CHRNA7: variants seen among roughly 807,000 people sequenced by gnomAD.
CHRNA7 encodes the protein neuronal acetylcholine receptor subunit alpha-7.
A neutral mutation model predicts 48.0 loss-of-function variants in CHRNA7; 17 were observed. That is an observed-to-expected ratio of 0.35 (90% CI 0.24 to 0.53). The LOEUF is 0.53. CHRNA7 is among the 20% of genes least tolerant of loss of function. CHRNA7 has a pLI of 0.92. For synonymous variants in CHRNA7, 75 were observed against 242.3 expected (o/e 0.31, Z 6.41); for missense variants, 155 against 577.7 (o/e 0.27, Z 7.50).
chr15:32,041,308 C>A (rs1042777530), intron 2 of CHRNA7, among the ~76,000 whole-genome samples: 1 of 152,206 alleles, frequency 6.6e-6, no homozygotes, highest in Non-Finnish European at 1.5e-5. Context: ...TTGTGGAAGA[C>A]AATTTTTCCA....
intron 4 of CHRNA7, among the ~76,000 whole-genome samples, chr15:32,121,530 G>A (rs1033312991): frequency 6.6e-6 from 1 of 152,154 alleles, no homozygotes; most frequent in East Asian, 1.9e-4. Flanking sequence ...TGTAAGACAA[G>A]GGCACAAAGT....
intron 4 of CHRNA7, among the ~76,000 whole-genome samples, chr15:32,138,393 G>T (rs1189548426): frequency 2.0e-5 from 3 of 152,124 alleles, no homozygotes; most frequent in Non-Finnish European, 2.9e-5. Flanking sequence ...AAAGCAGTTT[G>T]AGGTTCATAG....
intron 2 of CHRNA7, among the ~76,000 whole-genome samples, chr15:32,046,160 TTA>T (rs1194093409): frequency 2.0e-5 from 3 of 151,996 alleles, no homozygotes; most frequent in African/African-American, 7.3e-5. Context: ...GCAGCATGAT[TTA>T]TAGTCCTTTG....
chr15:32,118,989 CA>C (rs66493443), intron 4 of CHRNA7, among the ~76,000 whole-genome samples: 101,400 of 132,948 alleles, frequency 0.76, 38,412 homozygotes, highest in Non-Finnish European at 0.87. Flanking sequence ...CTTCGAAATG[CA>C]AAAAAAAAAA....
chr15:32,070,657 G>GAGGTTT (rs1297353675), intron 2 of CHRNA7, among the ~76,000 whole-genome samples: 1 of 125,334 alleles, frequency 8.0e-6, no homozygotes, highest in Admixed American at 7.9e-5. Context: ...GTGAACATGT[G>GAGGTTT]AGGTTTAGTT....
intron 3 of CHRNA7, among the ~76,000 whole-genome samples, chr15:32,107,454 TATAA>T (rs1436392667): frequency 6.7e-6 from 1 of 149,562 alleles, no homozygotes; most frequent in African/African-American, 2.4e-5. Flanking sequence ...TTAATATATT[TATAA>T]ATAAAATATA....
chr15:32,053,746 A>T (rs1913456), intron 2 of CHRNA7, among the ~76,000 whole-genome samples: 43,402 of 152,102 alleles, frequency 0.29, 7,962 homozygotes, highest in East Asian at 0.6. Context: ...GAAACTAATA[A>T]GAAATTAAGC....
intron 4 of CHRNA7, among the ~76,000 whole-genome samples, chr15:32,114,444 C>T (rs986819331): frequency 6.6e-6 from 1 of 152,144 alleles, no homozygotes; most frequent in Non-Finnish European, 1.5e-5. Context: ...CCCCATCGCT[C>T]ACACATCTGT....
chr15:32,043,460 G>T (rs1346585690), intron 2 of CHRNA7, among the ~76,000 whole-genome samples: 1 of 151,524 alleles, frequency 6.6e-6, no homozygotes, highest in Non-Finnish European at 1.5e-5. Context: ...CACTTTTCTG[G>T]ATTAATTGCT....
chr15:32,107,151 C>A (rs2050683702), intron 3 of CHRNA7, among the ~76,000 whole-genome samples: 1 of 152,178 alleles, frequency 6.6e-6, no homozygotes, highest in African/African-American at 2.4e-5. Context: ...GATGACTTTT[C>A]TAGCACCAAC....
intron 3 of CHRNA7, among the ~76,000 whole-genome samples, chr15:32,109,771 A>G (rs1038765538): frequency 2.6e-5 from 4 of 152,224 alleles, no homozygotes; most frequent in African/African-American, 7.2e-5. Flanking sequence ...TGAGTCTGCT[A>G]TGGTGAGTCT....
chr15:32,141,842 A>G lies in CHRNA7; in HGVS notation c.351-12065A>G, dbSNP rs373822111. The stretch of plus-strand genomic sequence containing the variant: ...TTGGCTGAGACAATGGGGTTTTCTA[A>G]ATATACAATCATGTCGTCTGCAAAC... On this transcript the variant is annotated intron_variant, in intron 4 of 9. Coordinates refer to ENST00000306901, the MANE Select transcript of CHRNA7 (RefSeq NM_000746.6). 1.1e-3 allele frequency among the ~76,000 whole-genome samples: 166 copies of G among 148,662 alleles called. 3 individuals are homozygous for G. In the South Asian group the frequency reaches 0.035, roughly 31 times the overall value.
rs1052460287 is a variant in CHRNA7 at position 32,030,582 on chromosome 15, T to C, written c.-13T>C. 3 of 1,522,630 alleles carry C rather than the reference T, an allele frequency of 2.0e-6. No individual in the cohort carries two copies. The highest frequency in any genetic ancestry group is 2.0e-5 in the Admixed American group (1 of 50,654). The allele number at this position is 1,522,630 out of a possible 1,614,324, so 94.3% of individuals were successfully genotyped here. On this transcript the variant is annotated 5_prime_UTR_variant, in exon 1 of 10. Transcript: ENST00000306901. ...GTGGAGCGCGCCGGCTCGCTGCAGCTCCGGGACTCAACATGCGCTGCTCGC... is the reference window on the plus strand; with the variant it reads ...GTGGAGCGCGCCGGCTCGCTGCAGCCCCGGGACTCAACATGCGCTGCTCGC...
chr15:32,113,191 C>T (rs559605583), intron 4 of CHRNA7, among the ~76,000 whole-genome samples: 57 of 152,292 alleles, frequency 3.7e-4, no homozygotes, highest in South Asian at 1.5e-3. Context: ...GGACTGGCTT[C>T]TTCTGAGCCT....
intron 2 of CHRNA7, among the ~76,000 whole-genome samples, chr15:32,093,521 G>A (rs2050416445): frequency 6.6e-6 from 1 of 152,156 alleles, no homozygotes. Context: ...TGCACACACA[G>A]GCAGCTGAAC....
chr15:32,099,936 G>A (rs1255979195), intron 2 of CHRNA7: 2 of 152,012 alleles, frequency 1.3e-5, no homozygotes, highest in African/African-American at 4.8e-5. Context: ...CATTGCCTCT[G>A]GCCTGGGGTC....
chr15:32,124,170 C>T (rs193116853), intron 4 of CHRNA7, among the ~76,000 whole-genome samples: 345 of 151,964 alleles, frequency 2.3e-3, no homozygotes, highest in Non-Finnish European at 3.9e-3. Flanking sequence ...ATCAAATAAT[C>T]CAAAAGGTTG....
At chr15:32,064,558 G>T (rs2049934798) in intron 2 of CHRNA7, among the ~76,000 whole-genome samples, 1 of 151,946 alleles carries the variant, frequency 6.6e-6, no homozygotes. Flanking sequence ...TATGGTAGTG[G>T]TGGTGATGTT....
intron 3 of CHRNA7, among the ~76,000 whole-genome samples, chr15:32,108,590 G>A (rs2050710470): frequency 6.6e-6 from 1 of 152,100 alleles, no homozygotes; most frequent in African/African-American, 2.4e-5. Flanking sequence ...GTTGCTGGTG[G>A]GGCCCCCGGG....
Sources: gnomAD v4.1 joint callset for allele counts (sites outside exome capture counted in the v4.1 genomes callset) on GRCh38, gnomAD v4.1.1 for gene constraint, MANE v1.5 for transcripts, NCBI Gene and HGNC (gene_info 2026-07-23, HGNC 2026-07-21) for gene names.